The following BTN3A2 variants were observed in gnomAD, a reference collection of about 807,000 sequenced individuals.
BTN3A2 encodes the protein butyrophilin subfamily 3 member A2.
A neutral mutation model predicts 37.6 loss-of-function variants in BTN3A2; 25 were observed. That is an observed-to-expected ratio of 0.66 (90% CI 0.48 to 0.93). The LOEUF (loss-of-function observed/expected upper bound fraction) is 0.93. Ranked by LOEUF, BTN3A2 falls within the 40% of genes least tolerant of loss-of-function variation. BTN3A2 has a pLI of 0.00. For synonymous variants in BTN3A2, 122 were observed against 159.4 expected (o/e 0.77, Z 1.77); for missense variants, 266 against 410.9 (o/e 0.65, Z 3.05).
Position 26,374,540 on chromosome 6 carries a change from AC to A in BTN3A2, c.*6+172del, listed in dbSNP as rs2113715270. The A allele has an allele frequency of 4.6e-6, 4 of 863,252 alleles. No individual in the cohort carries two copies. The East Asian group carries it at 1.1e-4, about 23-fold the overall frequency. The allele number at this position is 863,252 out of a possible 1,614,324, so 53.5% of individuals were successfully genotyped here. ...CTCTGAGAAACTCCTGATCCTGCAC[AC>A]CCCCTTGTAAAGCCTGGCCATGCAT... On this transcript the variant is annotated intron_variant, in intron 9 of 10. Transcript: ENST00000377708.
chr6:26,374,115 C>A, intron 8 of BTN3A2: 1 of 483,198 alleles, frequency 2.1e-6, no homozygotes. Context: ...CACTAGCGTT[C>A]AACCGATGTT....
rs1336275982 is a variant in BTN3A2 at position 26,370,683 on chromosome 6, C to T, written c.715+80C>T. 8.2e-6 allele frequency: 13 copies of T among 1,582,190 alleles called. No individual in the cohort carries two copies. In the South Asian group the frequency reaches 8.3e-5, roughly 10 times the overall value. On this transcript the variant is annotated intron_variant, in intron 5 of 10. Coordinates refer to ENST00000377708, the MANE Select transcript of BTN3A2 (RefSeq NM_007047.5). Reference sequence around the variant, plus strand: ...AGGGGGATGTGTTAATATCTGTGGTCGACCTGGGTCTCTGCACTGAATATA... The same window carrying T: ...AGGGGGATGTGTTAATATCTGTGGTTGACCTGGGTCTCTGCACTGAATATA...
chr6:26,377,260 GC>G lies in BTN3A2; in HGVS notation c.*1500del. 1.2e-6 allele frequency: 1 copy of G among 813,582 alleles called. No homozygotes were observed. The highest frequency in any genetic ancestry group is 1.9e-5 in the Admixed American group (1 of 52,702). 50.4% of individuals were successfully genotyped at this position (813,582 alleles called of 1,614,324 possible). On this transcript the variant is annotated 3_prime_UTR_variant, in exon 11 of 11. Transcript: ENST00000377708. ...GCTAAGGGTCTCACCCTCCACAACA[GC>G]CAGTCAGAACCATAAAGCTACAGGC...
Position 26,370,358 on chromosome 6 carries a change from A to T in BTN3A2, c.470A>T (p.Tyr157Phe), listed in dbSNP as rs773839701. 1.2e-6 allele frequency: 2 copies of T among 1,614,094 alleles called. No individual in the cohort carries two copies. The highest frequency in any genetic ancestry group is 2.7e-5 in the African/African-American group (2 of 74,930). The change falls in exon 5 of 11, where the codon TAT becomes TTT. Residue 157 changes from tyrosine to phenylalanine, a missense_variant. Around this residue, in one of 3 missense-constraint regions of BTN3A2, gnomAD observed 204 missense variants for 232.6 expected, o/e 0.88. Coordinates refer to ENST00000377708, the MANE Select transcript of BTN3A2 (RefSeq NM_007047.5). ...AATCTTCACGTCGAAGTGAAGGGTT[A>T]TGAGGATGGAGGGATCCATCTGGAG... ...GSNLHVEVKG[Y>F]EDGGIHLECR...
At chr6:26,374,176 GA>G (rs1383285150) in intron 8 of BTN3A2, 150 bp from the exon 9 acceptor site, 1 of 519,694 alleles carries the variant, frequency 1.9e-6, no homozygotes, top group African/African-American at 2.6e-5. Context: ...CCTGAAGATG[GA>G]GACCATGGGG....
Position 26,365,263 on chromosome 6 carries a change from A to G in BTN3A2, c.-156A>G. The G allele has an allele frequency of 6.7e-7, 1 of 1,499,510 alleles. No individual in the cohort carries two copies. Among genetic ancestry groups the G allele is most frequent in the Non-Finnish European group, 9.0e-7 (1 of 1,114,478 alleles). The allele number at this position is 1,499,510 out of a possible 1,614,324, so 92.9% of individuals were successfully genotyped here. A position where few individuals can be genotyped will look rare whatever the true frequency, so the allele number is the denominator to read the frequency against. On this transcript the variant is annotated 5_prime_UTR_variant, in exon 1 of 11. Transcript: ENST00000377708. ...TTCTCTTTTTCCTTTCTTCCGGATG[A>G]GAGGCTAAGCCATAATAGAAAGAAT...
rs573540670 is a variant in BTN3A2, at chr6:26,376,770, G to A, written c.*1008G>A. 1.6e-5 allele frequency: 25 copies of A among 1,610,048 alleles called. No individual in the cohort carries two copies. In the Admixed American group the frequency reaches 2.5e-4, roughly 16 times the overall value. On this transcript the variant is annotated 3_prime_UTR_variant, in exon 11 of 11. Transcript: ENST00000377708. ...GGAGGTGGAAGTGGGGGACAGAAAA[G>A]AGTGGCATATTGGGGTATGTAGTAA...
chr6:26,373,715 A>G (rs12216155), intron 8 of BTN3A2: 24,433 of 316,358 alleles, frequency 0.077, 1,204 homozygotes, highest in East Asian at 0.12. Flanking sequence ...GAGAAGGATG[A>G]GGTGCATTTT....
At chr6:26,366,821 A>G (rs1009994802) in intron 1 of BTN3A2, among the ~76,000 whole-genome samples, 2 of 152,174 alleles carry the variant, frequency 1.3e-5, no homozygotes, top group African/African-American at 4.8e-5. Context: ...TGCAGGCCTC[A>G]TGCTCCTTTG....
intron 1 of BTN3A2, among the ~76,000 whole-genome samples, chr6:26,366,671 T>C (rs1762094448): frequency 6.6e-6 from 1 of 152,162 alleles, no homozygotes; most frequent in Non-Finnish European, 1.5e-5. Context: ...TGATGGTGGA[T>C]GCAAGATCCA....
Position 26,370,546 on chromosome 6 carries a change from T to G in BTN3A2, c.658T>G (p.Cys220Gly). 2 of 1,614,220 alleles carry G rather than the reference T, an allele frequency of 1.2e-6. No individual in the cohort carries two copies. Among genetic ancestry groups the G allele is most frequent in the Non-Finnish European group, 1.7e-6 (2 of 1,180,036 alleles). ...MRGGSGEGVS[C>G]IIRNSLLGLE... ...AGGCGGCTCCGGGGAGGGTGTATCC[T>G]GCATCATCAGAAATTCCCTCCTCGG... The change falls in exon 5 of 11, where the codon TGC (cysteine) becomes GGC (glycine). Residue 220 changes from cysteine (C) to glycine (G), a missense_variant. Coordinates refer to ENST00000377708, the MANE Select transcript of BTN3A2 (RefSeq NM_007047.5).
intron 8 of BTN3A2, 45 bp from the exon 9 acceptor site, chr6:26,374,282 A>G: frequency 6.4e-7 from 1 of 1,552,240 alleles, no homozygotes; most frequent in African/African-American, 1.4e-5. Flanking sequence ...GCCAACACAG[A>G]AAAGGCAGAG....
chr6:26,375,437 C>T, intron 10 of BTN3A2: 1 of 528,774 alleles, frequency 1.9e-6, no homozygotes. Flanking sequence ...AGAGCACCAC[C>T]AGCTGCTGCT....
intron 6 of BTN3A2, 34 bp from the exon 7 acceptor site, chr6:26,373,237 CTTTTT>C (rs750198408): frequency 1.6e-3 from 2,153 of 1,346,894 alleles, no homozygotes; most frequent in Non-Finnish European, 1.7e-3. Flanking sequence ...AACAGTTCAT[CTTTTT>C]TTTTTTTTTT....
Position 26,376,721 on chromosome 6 carries a change from C to T in BTN3A2, c.*959C>T, listed in dbSNP as rs1760736791. On this transcript the variant is annotated 3_prime_UTR_variant, in exon 11 of 11. Coordinates refer to ENST00000377708, the MANE Select transcript of BTN3A2 (RefSeq NM_007047.5). ...GTTACTGTGTGCTTGGCTGTGAAAGCTTCATGTCAGAGAGACACTACTGGG... is the reference window on the plus strand; with the variant it reads ...GTTACTGTGTGCTTGGCTGTGAAAGTTTCATGTCAGAGAGACACTACTGGG... 5.1e-6 allele frequency: 8 copies of T among 1,584,108 alleles called. No individual in the cohort carries two copies. Among genetic ancestry groups the T allele is most frequent in the South Asian group, 2.2e-5 (2 of 90,454 alleles).
At chr6:26,371,204 G>A (rs1212162354) in intron 5 of BTN3A2, among the ~76,000 whole-genome samples, 1 of 152,152 alleles carries the variant, frequency 6.6e-6, no homozygotes, top group Non-Finnish European at 1.5e-5. Flanking sequence ...AGACGTTGCA[G>A]TGAGTGAGAG....
chr6:26,368,129 C>T, intron 2 of BTN3A2, 49 bp from the exon 3 acceptor site: 1 of 1,606,758 alleles, frequency 6.2e-7, no homozygotes, highest in South Asian at 1.1e-5. Context: ...AAAGCTTCTT[C>T]CAGGCCATAG....
At chr6:26,374,605 T>C in intron 9 of BTN3A2, 166 bp from the exon 10 acceptor site, 1 of 924,052 alleles carries the variant, frequency 1.1e-6, no homozygotes, top group Non-Finnish European at 1.6e-6. Context: ...AGCCTGACAT[T>C]TTTGAGAAGG....
chr6:26,368,046 C>T lies in BTN3A2; in HGVS notation c.-10C>T. The T allele has an allele frequency of 1.3e-6, 2 of 1,490,842 alleles. No homozygotes were observed. The highest frequency in any genetic ancestry group is 1.8e-6 in the Non-Finnish European group (2 of 1,119,268). 92.4% of individuals were successfully genotyped at this position (1,490,842 alleles called of 1,614,324 possible). On this transcript the variant is annotated 5_prime_UTR_variant, in exon 2 of 11. It introduces an in-frame stop codon into an upstream open reading frame of the 5' UTR. Coordinates refer to ENST00000377708, the MANE Select transcript of BTN3A2 (RefSeq NM_007047.5). ...GACACTCAAGGACAGACATTTTTGGCAGAGGTAAGATCTTCTTCGGTCACC... is the reference window on the plus strand; with the variant it reads ...GACACTCAAGGACAGACATTTTTGGTAGAGGTAAGATCTTCTTCGGTCACC...
Sources: allele counts gnomAD v4.1 joint callset (sites outside exome capture counted in the v4.1 genomes callset), GRCh38; gene constraint gnomAD v4.1.1; regional missense constraint gnomAD v4.1.1; transcripts MANE v1.5; gene names NCBI Gene and HGNC (gene_info 2026-07-23, HGNC 2026-07-21).